The following FSTL5 variants were observed in gnomAD, a reference collection of about 807,000 sequenced individuals.
FSTL5 encodes follistatin-related protein 5.
FSTL5 carries 62 observed loss-of-function variants against 89.1 expected under a neutral mutation model. That is an observed-to-expected ratio of 0.70 (90% CI 0.57 to 0.86). The LOEUF is 0.86. FSTL5 is among the 40% of genes least tolerant of loss of function. The probability of loss-of-function intolerance (pLI) is 0.00; values close to 1 mark genes in which losing one functional copy is unlikely to be tolerated. For missense variants in FSTL5, 1,057 were observed against 1,001.6 expected (o/e 1.06, Z -0.75); for synonymous variants, 383 against 346.2 (o/e 1.11, Z -1.18).
rs1553983465 is a variant in FSTL5, at chr4:161,929,683, G to GTGTGTGTGTGTGTA, written c.161-9032_161-9031insTACACACACACACA. 5.1e-5 allele frequency among the ~76,000 whole-genome samples: 5 copies of GTGTGTGTGTGTGTA among 98,258 alleles called. No homozygotes were observed. In the East Asian group the frequency reaches 8.5e-4, roughly 17 times the overall value. 64.5% of individuals were successfully genotyped at this position (98,258 alleles called of 152,430 possible). A position where few individuals can be genotyped will look rare whatever the true frequency, so the allele number is the denominator to read the frequency against. Reference sequence around the variant, plus strand: ...CACGTGTGTGTGTGTGTGTGTGTGTGTGTGTGTGTGTGTGTGTGTACATAG... The same window carrying GTGTGTGTGTGTGTA: ...CACGTGTGTGTGTGTGTGTGTGTGTGTGTGTGTGTGTGTATGTGTGTGTGTGTGTGTGTACATAG... On this transcript the variant is annotated intron_variant, in intron 3 of 15. Transcript: ENST00000306100.
chr4:162,126,789 G>C (rs924073901), intron 1 of FSTL5, among the ~76,000 whole-genome samples: 1 of 151,926 alleles, frequency 6.6e-6, no homozygotes, highest in Non-Finnish European at 1.5e-5. Flanking sequence ...ATTTCCTCTG[G>C]AATATAATCT....
intron 7 of FSTL5, among the ~76,000 whole-genome samples, chr4:161,618,399 GC>G (rs1472288870): frequency 2.2e-5 from 3 of 133,882 alleles, no homozygotes; most frequent in East Asian, 2.1e-4. Context: ...CCTGTCTTGT[GC>G]CAGTTTTCAA....
rs1042837055 is a variant in FSTL5 at position 162,011,289 on chromosome 4, G to C, written c.160+22336C>G. On this transcript the variant is annotated intron_variant, in intron 3 of 15. Coordinates refer to ENST00000306100, the MANE Select transcript of FSTL5 (RefSeq NM_020116.5). Reference sequence around the variant, plus strand: ...CAGGCTCATATTGAGTTATATGCCAGAAGATATTACTTGAATTTTTGGAAT... The same window carrying C: ...CAGGCTCATATTGAGTTATATGCCACAAGATATTACTTGAATTTTTGGAAT... Among the ~76,000 whole-genome samples, 7 of 152,178 alleles carry C rather than the reference G, an allele frequency of 4.6e-5. 1 individual carries two copies. The South Asian group carries it at 1.0e-3, about 23-fold the overall frequency.
chr4:161,838,176 C>A (rs1579130571), intron 4 of FSTL5, among the ~76,000 whole-genome samples: 1 of 152,172 alleles, frequency 6.6e-6, no homozygotes, highest in South Asian at 2.1e-4. Flanking sequence ...AACAGAAACA[C>A]TAAAATAATA....
intron 3 of FSTL5, among the ~76,000 whole-genome samples, chr4:161,938,252 T>C (rs1038101668): frequency 3.3e-5 from 5 of 152,136 alleles, no homozygotes; most frequent in African/African-American, 1.2e-4. Context: ...CATCTTTTTG[T>C]TCAAAAACTG....
chr4:161,761,071 G>A (rs1158352121), intron 5 of FSTL5, among the ~76,000 whole-genome samples: 1 of 152,140 alleles, frequency 6.6e-6, no homozygotes, highest in Non-Finnish European at 1.5e-5. Flanking sequence ...ATGTATCAGT[G>A]TTAAAATTAT....
At position 161,656,506 on chromosome 4, in the gene FSTL5, A is replaced by G; in HGVS notation, c.728-12T>C. 6.6e-7 allele frequency: 1 copy of G among 1,511,194 alleles called. No homozygotes were observed. The highest frequency in any genetic ancestry group is 8.9e-7 in the Non-Finnish European group (1 of 1,129,740). The allele number at this position is 1,511,194 out of a possible 1,614,324, so 93.6% of individuals were successfully genotyped here. A position where few individuals can be genotyped will look rare whatever the true frequency, so the allele number is the denominator to read the frequency against. On this transcript the variant is annotated splice_polypyrimidine_tract_variant and intron_variant, in intron 6 of 15. Coordinates refer to ENST00000306100, the MANE Select transcript of FSTL5 (RefSeq NM_020116.5). Reference sequence around the variant, plus strand: ...CAACTGGATCACTTCTGTAAAGATGAAGTGTCAGTAATGTTGATGAGCATT... The same window carrying G: ...CAACTGGATCACTTCTGTAAAGATGGAGTGTCAGTAATGTTGATGAGCATT...
At chr4:161,758,581 C>T (rs1740662533) in intron 6 of FSTL5, among the ~76,000 whole-genome samples, 1 of 152,102 alleles carries the variant, frequency 6.6e-6, no homozygotes, top group Non-Finnish European at 1.5e-5. Flanking sequence ...TGCAATGGCG[C>T]CATCTTGGCT....
At chr4:161,968,826 T>C (rs1417954058) in intron 3 of FSTL5, among the ~76,000 whole-genome samples, 4 of 152,052 alleles carry the variant, frequency 2.6e-5, no homozygotes, top group African/African-American at 9.7e-5. Flanking sequence ...AGCCTCAACT[T>C]ATTCATCTTT....
intron 4 of FSTL5, among the ~76,000 whole-genome samples, chr4:161,797,848 T>A (rs1274440610): frequency 4.6e-5 from 7 of 151,664 alleles, no homozygotes; most frequent in African/African-American, 1.7e-4. Flanking sequence ...AATTAAAATA[T>A]GTGAAAGAAA....
chr4:161,927,587 A>C (rs961704911), intron 3 of FSTL5, among the ~76,000 whole-genome samples: 1 of 151,712 alleles, frequency 6.6e-6, no homozygotes, highest in African/African-American at 2.4e-5. Flanking sequence ...ATATTTTTTA[A>C]GTTTTAACTT....
At chr4:161,510,051 A>T (rs1312124922) in intron 11 of FSTL5, among the ~76,000 whole-genome samples, 2 of 152,138 alleles carry the variant, frequency 1.3e-5, no homozygotes, top group Non-Finnish European at 2.9e-5. Context: ...TCCCCTTGAT[A>T]AGGCACAGTT....
At chr4:161,487,026 T>G (rs188800351) in intron 12 of FSTL5, among the ~76,000 whole-genome samples, 2 of 152,186 alleles carry the variant, frequency 1.3e-5, no homozygotes, top group Non-Finnish European at 2.9e-5. Context: ...AACACCTACA[T>G]AATTCATTCC....
At position 162,124,983 on chromosome 4, in the gene FSTL5, A is replaced by G. The variant is rs755238896; in HGVS notation, c.-16-13571T>C. Among the ~76,000 whole-genome samples, 11 of 152,196 alleles carry G rather than the reference A, an allele frequency of 7.2e-5. No individual in the cohort carries two copies. In the East Asian group the frequency reaches 7.7e-4, roughly 11 times the overall value. On this transcript the variant is annotated intron_variant, in intron 1 of 15. Transcript: ENST00000306100. ...CTCCCAAAGTGCTGGGATTACAGGC[A>G]TGAGCTACCTCGCCTGGCCTTCACT...
intron 3 of FSTL5, among the ~76,000 whole-genome samples, chr4:162,033,172 C>T (rs1737602637): frequency 6.6e-6 from 1 of 152,074 alleles, no homozygotes; most frequent in Non-Finnish European, 1.5e-5. Flanking sequence ...GTGGACTATG[C>T]CATACTAGGA....
intron 2 of FSTL5, among the ~76,000 whole-genome samples, chr4:162,072,162 T>C (rs1729652243): frequency 1.3e-5 from 2 of 151,842 alleles, no homozygotes; most frequent in South Asian, 2.1e-4. Context: ...CATTGATGAA[T>C]GTCAGTTTAA....
chr4:161,854,857 T>A (rs1406914641), intron 4 of FSTL5, among the ~76,000 whole-genome samples: 1 of 152,028 alleles, frequency 6.6e-6, no homozygotes, highest in African/African-American at 2.4e-5. Flanking sequence ...ACAAATATAT[T>A]ACCCAAATTA....
rs1253345248 is a variant in FSTL5 at position 161,436,857 on chromosome 4, A to T, written c.1841+18147T>A. Among the ~76,000 whole-genome samples, 64 of 152,180 alleles carry T rather than the reference A, an allele frequency of 4.2e-4. 1 individual carries two copies. The highest frequency in any genetic ancestry group is 4.2e-3 in the Admixed American group (64 of 15,274). On this transcript the variant is annotated intron_variant, in intron 15 of 15. Coordinates refer to ENST00000306100, the MANE Select transcript of FSTL5 (RefSeq NM_020116.5). ...TTCAGCAGTTTTAAGATTGCAGGGG[A>T]AAGTTTTCAAAGAAGTTAGCAAGTA...
intron 8 of FSTL5, among the ~76,000 whole-genome samples, chr4:161,550,646 A>G (rs1281842514): frequency 6.6e-6 from 1 of 151,176 alleles, no homozygotes; most frequent in African/African-American, 2.4e-5. Flanking sequence ...GGTTAGTTAC[A>G]TATGTTTACA....
Sources: gnomAD v4.1 joint callset for allele counts (sites outside exome capture counted in the v4.1 genomes callset) on GRCh38, gnomAD v4.1.1 for gene constraint, MANE v1.5 for transcripts, NCBI Gene and HGNC (gene_info 2026-07-23, HGNC 2026-07-21) for gene names.